TNS1: variants seen among roughly 807,000 people sequenced by gnomAD.
The protein encoded by TNS1 is tensin 1.
TNS1 carries 62 observed loss-of-function variants against 168.6 expected under a neutral mutation model. The observed-to-expected ratio is 0.37, with a 90% confidence interval of 0.30 to 0.45. The LOEUF (loss-of-function observed/expected upper bound fraction) is 0.45, where lower values mean the gene tolerates loss of function less well. TNS1 is among the 20% of genes least tolerant of loss of function. The pLI is 1.00. For missense variants in TNS1, 2,240 were observed against 2,339.4 expected (o/e 0.96, Z 0.88); for synonymous variants, 934 against 933.2 (o/e 1.00, Z -0.02).
intron 18 of TNS1, chr2:217,879,545 AG>A (rs1383902518): frequency 5.4e-6 from 2 of 370,816 alleles, no homozygotes; most frequent in East Asian, 8.8e-5. Context: ...GAACTGAGGC[AG>A]GTGTGAGGAC....
chr2:217,862,275 GA>G (rs907266641), intron 18 of TNS1, among the ~76,000 whole-genome samples: 26 of 150,518 alleles, frequency 1.7e-4, no homozygotes, highest in African/African-American at 4.4e-4. Flanking sequence ...CTATTTGGGG[GA>G]AAAAAAAAGA....
chr2:217,978,919 G>C, intron 2 of TNS1, 117 bp from the exon 3 acceptor site: 2 of 684,620 alleles, frequency 2.9e-6, no homozygotes, highest in Non-Finnish European at 5.3e-6. Context: ...AGGAGGGAAG[G>C]AGGGACGGAG....
At chr2:217,942,539 G>C (rs1160421231) in intron 3 of TNS1, among the ~76,000 whole-genome samples, 1 of 152,166 alleles carries the variant, frequency 6.6e-6, no homozygotes. Context: ...CAGGCTTACA[G>C]GAGTGGCCAC....
chr2:217,989,222 G>A (rs577409051), intron 2 of TNS1, among the ~76,000 whole-genome samples: 140 of 152,320 alleles, frequency 9.2e-4, no homozygotes, highest in African/African-American at 3.2e-3. Context: ...AAAGAGGTCT[G>A]TACTCTGTCT....
intron 6 of TNS1, among the ~76,000 whole-genome samples, chr2:217,901,501 A>G (rs1417625684): frequency 6.6e-6 from 1 of 152,126 alleles, no homozygotes; most frequent in Non-Finnish European, 1.5e-5. Flanking sequence ...CATCGCCTCT[A>G]CCCATCCTTC....
intron 23 of TNS1, among the ~76,000 whole-genome samples, chr2:217,819,785 C>T (rs1942521924): frequency 6.6e-6 from 1 of 152,196 alleles, no homozygotes; most frequent in Non-Finnish European, 1.5e-5. Flanking sequence ...AGGGGCCTTA[C>T]ATAAACTAGT....
At chr2:217,864,922 A>G (rs1949121508) in intron 18 of TNS1, among the ~76,000 whole-genome samples, 1 of 152,170 alleles carries the variant, frequency 6.6e-6, no homozygotes, top group African/African-American at 2.4e-5. Context: ...TGGGGTACGC[A>G]GTGGGGCAGA....
upstream of TNS1, among the ~76,000 whole-genome samples, chr2:218,005,482 G>A (rs1041242053): frequency 2.6e-5 from 4 of 152,170 alleles, no homozygotes; most frequent in African/African-American, 9.7e-5. Flanking sequence ...TCATCAAGAT[G>A]TCCTTCCTGC....
At chr2:218,020,671 G>C (rs529392407) in intron 1 of TNS1, among the ~76,000 whole-genome samples, 1 of 152,314 alleles carries the variant, frequency 6.6e-6, no homozygotes, top group South Asian at 2.1e-4. Flanking sequence ...CCTGACCCTG[G>C]GGGTTCTGAG....
intron 23 of TNS1, 63 bp downstream of exon 23, chr2:217,821,677 C>G: frequency 2.2e-6 from 3 of 1,386,882 alleles, no homozygotes; most frequent in East Asian, 2.8e-5. Flanking sequence ...GAGGCCTCAC[C>G]CATCCCGTCC....
At chr2:217,898,418 C>T (rs1416451849) in intron 7 of TNS1, among the ~76,000 whole-genome samples, 1 of 152,232 alleles carries the variant, frequency 6.6e-6, no homozygotes, top group African/African-American at 2.4e-5. Flanking sequence ...TGGGCGCTCT[C>T]CAGCCCTGGA....
At chr2:217,809,435 G>A (rs1360302401) in intron 30 of TNS1, among the ~76,000 whole-genome samples, 1 of 122,642 alleles carries the variant, frequency 8.2e-6, no homozygotes, top group African/African-American at 3.5e-5. Flanking sequence ...ATGGATGGAT[G>A]GATGGATGGA....
chr2:217,897,991 G>C lies in TNS1; in HGVS notation c.372-22C>G, dbSNP rs1355259011. On this transcript the variant is annotated intron_variant, in intron 7 of 32. Transcript: ENST00000682258. Reference sequence around the variant, plus strand: ...GTTTCTAGGGAGACAGCAGGCAGCGGAGGGTCCATATCAGAATCCAGCCCA... The same window carrying C: ...GTTTCTAGGGAGACAGCAGGCAGCGCAGGGTCCATATCAGAATCCAGCCCA... 2 of 1,589,988 alleles carry C rather than the reference G, an allele frequency of 1.3e-6. 1 individual carries two copies. Among genetic ancestry groups the C allele is most frequent in the African/African-American group, 2.7e-5 (2 of 74,246 alleles).
chr2:217,956,501 G>A (rs796793200), intron 3 of TNS1, among the ~76,000 whole-genome samples: 14 of 152,290 alleles, frequency 9.2e-5, no homozygotes, highest in African/African-American at 3.4e-4. Context: ...GCAAGGCTGC[G>A]GGGAGAGGAT....
intron 18 of TNS1, among the ~76,000 whole-genome samples, chr2:217,877,963 C>T (rs946480145): frequency 2.6e-5 from 4 of 152,206 alleles, no homozygotes; most frequent in African/African-American, 7.2e-5. Context: ...ATCACCCTCC[C>T]GCAGTGGGCC....
At chr2:218,014,041 G>A (rs1269037860), upstream of TNS1, among the ~76,000 whole-genome samples, 1 of 152,216 alleles carries the variant, frequency 6.6e-6, no homozygotes, top group African/African-American at 2.4e-5. Flanking sequence ...AAGAGAGCAG[G>A]TCATGGGAGG....
intron 31 of TNS1, among the ~76,000 whole-genome samples, 163 bp downstream of exon 31, chr2:217,808,440 A>C (rs571552126): frequency 1.3e-5 from 2 of 152,244 alleles, no homozygotes; most frequent in East Asian, 3.9e-4. Flanking sequence ...GAAAGACTCA[A>C]AAGATGCCCA....
Position 217,892,897 on chromosome 2 carries a change from G to C in TNS1, c.782+51C>G, listed in dbSNP as rs1559312652. 11 of 1,582,664 alleles carry C rather than the reference G, an allele frequency of 7.0e-6. 1 individual carries two copies. The highest frequency in any genetic ancestry group is 9.5e-6 in the Non-Finnish European group (11 of 1,152,314). ...GAGGCTGTGGGTGGATGAGAGGAGG[G>C]GGGTCACACTGTCGATGTTCAGAGG... is the stretch of plus-strand genomic sequence containing the variant. On this transcript the variant is annotated intron_variant, in intron 11 of 32. Coordinates refer to ENST00000682258, the MANE Select transcript of TNS1 (RefSeq NM_001387777.1).
rs903920181 is a variant in TNS1 at position 217,995,444 on chromosome 2, GA to G, written c.34-4389del. 1.3e-4 allele frequency among the ~76,000 whole-genome samples: 20 copies of G among 149,326 alleles called. No homozygotes were observed. The East Asian group carries it at 1.4e-3, about 10-fold the overall frequency. ...AGAAGGCATAATGAGACTCAGTGGGGAAAAAAAAAACTTAACAATCAGATGC... is the reference window on the plus strand; with the variant it reads ...AGAAGGCATAATGAGACTCAGTGGGGAAAAAAAAACTTAACAATCAGATGC... On this transcript the variant is annotated intron_variant, in intron 1 of 32. Transcript: ENST00000682258. This position sits in a 1 kb window ranked among gnomAD's most constrained non-coding sequence, Gnocchi z 4.1.
Sources: allele counts gnomAD v4.1 joint callset (sites outside exome capture counted in the v4.1 genomes callset), GRCh38; gene constraint gnomAD v4.1.1; non-coding constraint Gnocchi (gnomAD v3.1); transcripts MANE v1.5; gene names NCBI Gene and HGNC (gene_info 2026-07-23, HGNC 2026-07-21).